The following QRSL1 variants were observed in gnomAD, a reference collection of about 807,000 sequenced individuals.
The protein encoded by QRSL1 is glutamyl-tRNA(Gln) amidotransferase subunit A, mitochondrial.
A neutral mutation model predicts 61.6 loss-of-function variants in QRSL1; 54 were observed. The observed-to-expected ratio is 0.88, with a 90% confidence interval of 0.70 to 1.10. The LOEUF (loss-of-function observed/expected upper bound fraction) is 1.10, where lower values mean the gene tolerates loss of function less well. Ranked by LOEUF, QRSL1 falls within the 50% of genes least tolerant of loss-of-function variation. The pLI, the probability that QRSL1 is intolerant of heterozygous loss-of-function variation, is 0.00. For missense variants in QRSL1, 505 were observed against 622.6 expected, an observed-to-expected ratio of 0.81 and a Z score of 2.01; for synonymous variants, 228 against 225.7, an observed-to-expected ratio of 1.01 and a Z score of -0.09.
At chr6:106,655,562 C>G (rs1239327633) in intron 8 of QRSL1, 53 bp from the exon 9 acceptor site, 1 of 982,820 alleles carries the variant, frequency 1.0e-6, no homozygotes, top group African/African-American at 1.7e-5. Flanking sequence ...TTAGCCAAAA[C>G]TTTACTGACT....
intron 4 of QRSL1, among the ~76,000 whole-genome samples, chr6:106,645,993 G>A (rs561632157): frequency 2.0e-5 from 3 of 152,294 alleles, no homozygotes; most frequent in East Asian, 3.9e-4. Context: ...AGTGGTGAGA[G>A]CAGATTTCCT....
chr6:106,634,937 G>A (rs1776898153), intron 1 of QRSL1, among the ~76,000 whole-genome samples: 1 of 152,046 alleles, frequency 6.6e-6, no homozygotes. Context: ...GGGCAGTTGG[G>A]GAAATGTGAC....
Position 106,663,113 on chromosome 6 carries a change from G to A in QRSL1, c.1294G>A (p.Glu432Lys), listed in dbSNP as rs140028828. The part of the protein sequence containing the change: ...TTLSEAVPYL[E>K]FIKEDNRTRS... Reference sequence around the variant, plus strand: ...CTTGAGTGAGGCAGTACCATACTTGGAGTTCATCAAAGAGGACAACAGAAC... The same window carrying A: ...CTTGAGTGAGGCAGTACCATACTTGAAGTTCATCAAAGAGGACAACAGAAC... Residue 432 changes from glutamate (E) to lysine (K), a missense_variant, in exon 10 of 11, where the codon GAG (glutamate) becomes AAG (lysine). Glu to Lys is a moderately conservative substitution (Grantham distance 56). Transcript: ENST00000369046. The A allele has an allele frequency of 1.5e-4, 249 of 1,614,156 alleles. No homozygotes were observed. In the African/African-American group the frequency reaches 3.1e-3, roughly 20 times the overall value.
In QRSL1 at chr6:106,666,054, C is replaced by A. The variant is rs1777428864; in HGVS notation, c.*52C>A. The A allele has an allele frequency of 2.7e-6, 4 of 1,478,046 alleles. No homozygotes were observed. Among genetic ancestry groups the A allele is most frequent in the Non-Finnish European group, 3.8e-6 (4 of 1,063,352 alleles). The allele number at this position is 1,478,046 out of a possible 1,614,324, so 91.6% of individuals were successfully genotyped here. On this transcript the variant is annotated 3_prime_UTR_variant, in exon 11 of 11. Transcript: ENST00000369046. ...TTAGGCTGGGTGCAGTGGCTCACAC[C>A]TGTAATCCCAGCACTTTGGGAGGCC... is the stretch of plus-strand genomic sequence containing the variant.
rs1335327540 is a variant in QRSL1 at position 106,662,995 on chromosome 6, T to A, written c.1176T>A (p.Tyr392Ter). ...FFLLKENYENYFVKAQKVRRL... is the reference protein window; with the variant it reads ...FFLLKENYEN ...TTTCCCACAGAAACTATGAAAATTATTTTGTCAAAGCACAGAAAGTGAGAC... is the reference window on the plus strand; with the variant it reads ...TTTCCCACAGAAACTATGAAAATTAATTTGTCAAAGCACAGAAAGTGAGAC... The change falls in exon 10 of 11, where the codon TAT becomes TAA. Residue 392 changes from tyrosine (Y) to a stop codon, truncating the protein, a stop_gained. Coordinates refer to ENST00000369046, the MANE Select transcript of QRSL1 (RefSeq NM_018292.5). LOFTEE classifies it high-confidence loss of function. The A allele has an allele frequency of 6.2e-7, 1 of 1,609,252 alleles. No individual in the cohort carries two copies. Among genetic ancestry groups the A allele is most frequent in the African/African-American group, 1.3e-5 (1 of 74,946 alleles).
intron 5 of QRSL1, among the ~76,000 whole-genome samples, chr6:106,651,417 T>G (rs1226049540): frequency 6.6e-6 from 1 of 152,190 alleles, no homozygotes; most frequent in Non-Finnish European, 1.5e-5. Context: ...ACTGAAACTT[T>G]AAAACACAAT....
intron 9 of QRSL1, among the ~76,000 whole-genome samples, chr6:106,658,816 G>C (rs953002465): frequency 1.3e-5 from 2 of 152,008 alleles, no homozygotes; most frequent in Non-Finnish European, 2.9e-5. Flanking sequence ...TTGATCTGTT[G>C]GGTTATAGTT....
chr6:106,633,636 C>T (rs1776872376), intron 1 of QRSL1, among the ~76,000 whole-genome samples: 1 of 152,126 alleles, frequency 6.6e-6, no homozygotes, highest in Non-Finnish European at 1.5e-5. Flanking sequence ...GGGAGGAAAT[C>T]TCACTTTTAC....
At chr6:106,660,107 C>G (rs1427954192) in intron 9 of QRSL1, among the ~76,000 whole-genome samples, 1 of 151,870 alleles carries the variant, frequency 6.6e-6, no homozygotes, top group Non-Finnish European at 1.5e-5. Context: ...TACCCCCCAC[C>G]CCACATACTG....
chr6:106,649,304 C>G (rs2114709423), intron 5 of QRSL1, 103 bp downstream of exon 5: 1 of 1,196,454 alleles, frequency 8.4e-7, no homozygotes, highest in East Asian at 2.5e-5. Context: ...ATTTTTCTTT[C>G]TAGTGAGCTA....
chr6:106,656,136 CAGG>C (rs986458099), intron 9 of QRSL1, among the ~76,000 whole-genome samples: 2 of 152,170 alleles, frequency 1.3e-5, no homozygotes, highest in African/African-American at 4.8e-5. Context: ...TTTAAACGTG[CAGG>C]AGGTGTGCAT....
At chr6:106,653,482 G>C (rs150236915) in intron 7 of QRSL1, 1 of 152,196 alleles carries the variant, frequency 6.6e-6, no homozygotes, top group Non-Finnish European at 1.5e-5. Flanking sequence ...TAACCCCCAG[G>C]TAAGACCACT....
intron 5 of QRSL1, among the ~76,000 whole-genome samples, chr6:106,651,708 AGGGGCG>A (rs750296586): frequency 2.6e-5 from 4 of 152,122 alleles, no homozygotes; most frequent in Non-Finnish European, 4.4e-5. Flanking sequence ...AATTTCTAGG[AGGGGCG>A]TATTTAGTCT....
intron 1 of QRSL1, among the ~76,000 whole-genome samples, chr6:106,630,467 T>C (rs898811446): frequency 3.9e-5 from 6 of 152,268 alleles, no homozygotes; most frequent in Non-Finnish European, 7.3e-5. Context: ...CTCTTCATTC[T>C]ATCTTGCAGA....
intron 1 of QRSL1, 68 bp downstream of exon 1, chr6:106,629,773 GTC>G: frequency 6.4e-7 from 1 of 1,557,634 alleles, no homozygotes; most frequent in East Asian, 2.4e-5. Context: ...TTGACAAAGA[GTC>G]CCTGGGCCTT....
chr6:106,665,484 A>C (rs1407294159), intron 10 of QRSL1, among the ~76,000 whole-genome samples: 2 of 152,362 alleles, frequency 1.3e-5, no homozygotes, highest in East Asian at 3.9e-4. Context: ...TATTGAAAAC[A>C]ATCTAAATAC....
intron 1 of QRSL1, among the ~76,000 whole-genome samples, chr6:106,633,381 C>T (rs3804341): frequency 0.92 from 139,441 of 152,228 alleles, 63,914 homozygotes; most frequent in East Asian, 0.99. Context: ...AACAATTTTT[C>T]CACCCATTGT....
Position 106,654,776 on chromosome 6 carries a change from C to A in QRSL1, c.896C>A (p.Ser299Tyr), listed in dbSNP as rs137929985. 1.9e-6 allele frequency: 3 copies of A among 1,613,010 alleles called. No homozygotes were observed. The highest frequency in any genetic ancestry group is 2.7e-5 in the African/African-American group (2 of 74,956). The change falls in exon 8 of 11, where the codon TCC becomes TAC. Residue 299 changes from serine to tyrosine, a missense_variant. Physicochemically the swap from Ser to Tyr is moderately radical, Grantham distance 144 (BLOSUM62 -2). Coordinates refer to ENST00000369046, the MANE Select transcript of QRSL1 (RefSeq NM_018292.5). Reference sequence around the variant, plus strand: ...TCAAGTGAAGTACAGTCTCTTTGGTCCAAAGCTGCTGACCTCTTTGAGTCT... The same window carrying A: ...TCAAGTGAAGTACAGTCTCTTTGGTACAAAGCTGCTGACCTCTTTGAGTCT... ...ELSSEVQSLWSKAADLFESEG... is the reference protein window; with the variant it reads ...ELSSEVQSLWYKAADLFESEG...
rs374426112 is a variant in QRSL1 at position 106,629,645 on chromosome 6, G to T, written c.-37G>T. The T allele has an allele frequency of 1.5e-4, 242 of 1,590,090 alleles. No individual in the cohort carries two copies. Among genetic ancestry groups the T allele is most frequent in the Admixed American group, 7.8e-4 (44 of 56,246 alleles). On this transcript the variant is annotated 5_prime_UTR_variant, in exon 1 of 11. Coordinates refer to ENST00000369046, the MANE Select transcript of QRSL1 (RefSeq NM_018292.5). ...GACCGGTGACCTCTTTTTCCCCCTTGCCTGGCTCCTGTGGTGGCAGGCTGG... is the reference window on the plus strand; with the variant it reads ...GACCGGTGACCTCTTTTTCCCCCTTTCCTGGCTCCTGTGGTGGCAGGCTGG...
Sources: allele counts gnomAD v4.1 joint callset (sites outside exome capture counted in the v4.1 genomes callset), GRCh38; gene constraint gnomAD v4.1.1; transcripts MANE v1.5; gene names NCBI Gene and HGNC (gene_info 2026-07-23, HGNC 2026-07-21).